The following SLC35F4 variants were observed in gnomAD, a reference collection of about 807,000 sequenced individuals.
The protein encoded by SLC35F4 is chromosome 14 open reading frame 36.
Under a neutral mutation model 44.2 loss-of-function variants are expected in SLC35F4, and 24 were observed. That is an observed-to-expected ratio of 0.54 (90% CI 0.39 to 0.76). The LOEUF (loss-of-function observed/expected upper bound fraction) is 0.76. Ranked by LOEUF, SLC35F4 falls within the 30% of genes least tolerant of loss-of-function variation. The pLI is 0.00. For missense variants in SLC35F4, 562 were observed against 586.1 expected, an observed-to-expected ratio of 0.96 and a Z score of 0.42; for synonymous variants, 238 against 223.6, an observed-to-expected ratio of 1.06 and a Z score of -0.57.
intron 1 of SLC35F4, among the ~76,000 whole-genome samples, chr14:57,755,890 G>C (rs1225080627): frequency 6.6e-6 from 1 of 152,186 alleles, no homozygotes; most frequent in African/African-American, 2.4e-5. Flanking sequence ...TGCCAGCCTC[G>C]GAGGCCAGGC....
chr14:57,575,304 C>T (rs930819156), intron 4 of SLC35F4, among the ~76,000 whole-genome samples: 5 of 152,050 alleles, frequency 3.3e-5, no homozygotes, highest in African/African-American at 1.2e-4. Flanking sequence ...CATGGCGAGA[C>T]CCCCATCTCT....
chr14:57,884,615 G>C (rs1888609406), intron 1 of SLC35F4, among the ~76,000 whole-genome samples: 1 of 152,154 alleles, frequency 6.6e-6, no homozygotes, highest in South Asian at 2.1e-4. Context: ...TATACAGAGA[G>C]AAACTCTCTG....
chr14:57,617,911 G>C (rs2071942118), intron 1 of SLC35F4, among the ~76,000 whole-genome samples: 1 of 152,142 alleles, frequency 6.6e-6, no homozygotes, highest in African/African-American at 2.4e-5. Flanking sequence ...GTCATTCAAA[G>C]AAAATAAACT....
chr14:57,794,942 T>A (rs2078019935), intron 1 of SLC35F4, among the ~76,000 whole-genome samples: 1 of 152,152 alleles, frequency 6.6e-6, no homozygotes, highest in African/African-American at 2.4e-5. Context: ...CTGGTGGAAT[T>A]CAGAAGATGG....
chr14:57,762,097 T>C (rs1048087439), intron 1 of SLC35F4, among the ~76,000 whole-genome samples: 2 of 152,160 alleles, frequency 1.3e-5, no homozygotes, highest in Admixed American at 1.3e-4. Context: ...TTTATATTAC[T>C]CAATCAAGTT....
At chr14:57,642,444 TA>T (rs1333176232) in intron 1 of SLC35F4, among the ~76,000 whole-genome samples, 2 of 152,044 alleles carry the variant, frequency 1.3e-5, no homozygotes, top group African/African-American at 4.8e-5. Context: ...CCATATTTTA[TA>T]AGATACAGAT....
chr14:57,837,205 C>T (rs1424612478), intron 1 of SLC35F4: 1 of 152,182 alleles, frequency 6.6e-6, no homozygotes, highest in Non-Finnish European at 1.5e-5. Flanking sequence ...TGAGTACCAC[C>T]TAAATCTTGC....
intron 1 of SLC35F4, among the ~76,000 whole-genome samples, chr14:57,795,874 T>G (rs1044364377): frequency 6.6e-6 from 1 of 152,138 alleles, no homozygotes; most frequent in Non-Finnish European, 1.5e-5. Flanking sequence ...TACTAGGGTT[T>G]GGTGTACAAA....
intron 1 of SLC35F4, among the ~76,000 whole-genome samples, chr14:57,771,206 A>G (rs886373272): frequency 5.3e-5 from 8 of 152,174 alleles, no homozygotes; most frequent in African/African-American, 1.9e-4. Context: ...CTCTGCACTT[A>G]TTAATTGTAC....
At chr14:57,692,396 G>T (rs2075261307) in intron 1 of SLC35F4, among the ~76,000 whole-genome samples, 1 of 152,060 alleles carries the variant, frequency 6.6e-6, no homozygotes, top group African/African-American at 2.4e-5. Flanking sequence ...ATAGTCTATT[G>T]ATTTTTAATT....
intron 1 of SLC35F4, among the ~76,000 whole-genome samples, chr14:57,966,589 C>A (rs757248659): frequency 9.9e-5 from 15 of 152,032 alleles, no homozygotes; most frequent in Non-Finnish European, 2.2e-4. Flanking sequence ...AAGCAATTTA[C>A]GTGGGGAATA....
intron 1 of SLC35F4, among the ~76,000 whole-genome samples, chr14:57,702,216 T>G (rs1192101990): frequency 6.6e-6 from 1 of 152,084 alleles, no homozygotes; most frequent in Non-Finnish European, 1.5e-5. Context: ...GTAATCCTCT[T>G]GTATTTTCCC....
intron 1 of SLC35F4, among the ~76,000 whole-genome samples, chr14:57,675,964 A>G (rs1939999327): frequency 6.6e-6 from 1 of 152,080 alleles, no homozygotes; most frequent in Admixed American, 6.6e-5. Context: ...ACAAAAAATA[A>G]ATAAATGGGA....
At chr14:57,786,748 G>A (rs964147360) in intron 1 of SLC35F4, among the ~76,000 whole-genome samples, 4 of 152,140 alleles carry the variant, frequency 2.6e-5, no homozygotes, top group African/African-American at 9.7e-5. Flanking sequence ...CATTCCATGG[G>A]TCAAAAGAAT....
In SLC35F4 at chr14:57,930,271, G is replaced by A. The variant is rs149712762; in HGVS notation, n.282+51642C>T. Among the ~76,000 whole-genome samples, 384 of 152,284 alleles carry A rather than the reference G, an allele frequency of 2.5e-3. 1 individual carries two copies. Among genetic ancestry groups the A allele is most frequent in the African/African-American group, 8.4e-3 (351 of 41,560 alleles). On this transcript the variant is annotated intron_variant and non_coding_transcript_variant, in intron 1 of 1. Coordinates refer to the SLC35F4 transcript ENST00000556568. ...CTGCATCAGTTTCATACAGATTAAC[G>A]TGGACAGACCCAGGCTAAGGAAAAT...
In SLC35F4 at chr14:57,792,462, A is replaced by G. The variant is rs534958328; in HGVS notation, c.103+73261T>C. ...ACATGAAAAAGACACTTGCACATAC[A>G]TGTTTATAGCAGCACAATTTGCAAC... On this transcript the variant is annotated intron_variant, in intron 1 of 7. Coordinates refer to ENST00000556826, the MANE Select transcript of SLC35F4 (RefSeq NM_001306087.2). Among the ~76,000 whole-genome samples the G allele has an allele frequency of 2.0e-5, 3 of 152,328 alleles. No individual in the cohort carries two copies. In the South Asian group the frequency reaches 6.2e-4, roughly 32 times the overall value.
chr14:57,839,118 G>C (rs1282272079), intron 1 of SLC35F4, among the ~76,000 whole-genome samples: 4 of 152,010 alleles, frequency 2.6e-5, no homozygotes, highest in African/African-American at 9.7e-5. Context: ...CTGACCTCTG[G>C]GGCTTAAAAT....
At chr14:57,980,194 A>T (rs1407224842) in intron 1 of SLC35F4, among the ~76,000 whole-genome samples, 1 of 152,242 alleles carries the variant, frequency 6.6e-6, no homozygotes, top group Admixed American at 6.5e-5. Context: ...AAGACTGAAC[A>T]GCCTAGACCT....
At chr14:57,868,162 T>C (rs1165651476), upstream of SLC35F4, among the ~76,000 whole-genome samples, 3 of 152,236 alleles carry the variant, frequency 2.0e-5, no homozygotes, top group East Asian at 1.9e-4. Flanking sequence ...CAAGAGTCTA[T>C]GTTTTCTTTT....
Sources: gnomAD v4.1 joint callset for allele counts (sites outside exome capture counted in the v4.1 genomes callset) on GRCh38, gnomAD v4.1.1 for gene constraint, MANE v1.5 for transcripts, NCBI Gene and HGNC (gene_info 2026-07-23, HGNC 2026-07-21) for gene names.